TLX3: variants seen among roughly 807,000 people sequenced by gnomAD.
The protein encoded by TLX3 is T cell leukemia homeobox 3.
A neutral mutation model predicts 19.6 loss-of-function variants in TLX3; 11 were observed. That is an observed-to-expected ratio of 0.56 (90% CI 0.35 to 0.93). The LOEUF is 0.93. TLX3 is among the 40% of genes least tolerant of loss of function. The probability of loss-of-function intolerance (pLI) is 0.01; values close to 1 mark genes in which losing one functional copy is unlikely to be tolerated. For missense variants in TLX3, 375 were observed against 418.6 expected, an observed-to-expected ratio of 0.90 and a Z score of 0.91; for synonymous variants, 221 against 188.1, an observed-to-expected ratio of 1.17 and a Z score of -1.43.
chr5:171,311,638 C>CTGG lies in TLX3; in HGVS notation c.*39_*40insTGG. 3 of 1,529,540 alleles carry CTGG rather than the reference C, an allele frequency of 2.0e-6. No individual in the cohort carries two copies. Among genetic ancestry groups the CTGG allele is most frequent in the Non-Finnish European group, 2.7e-6 (3 of 1,123,588 alleles). 94.7% of individuals were successfully genotyped at this position (1,529,540 alleles called of 1,614,324 possible). A position where few individuals can be genotyped will look rare whatever the true frequency, so the allele number is the denominator to read the frequency against. ...CACCGTCGCCACGGATCGCCGCCCC[C>CTGG]ACCCAGCCGGGCGCCCCGGACCCCC... On this transcript the variant is annotated 3_prime_UTR_variant, in exon 3 of 3. Transcript: ENST00000296921. This position sits in a 1 kb window ranked among gnomAD's most constrained non-coding sequence, Gnocchi z 5.1.
Position 171,311,716 on chromosome 5 carries a change from G to C in TLX3, c.*117G>C. ...GAGAGGGGAAGGGGCCGCCTAGCCC[G>C]AGTAGGCCCCAGGGCGCGGCCACAG... On this transcript the variant is annotated 3_prime_UTR_variant, in exon 3 of 3. Transcript: ENST00000296921. This position sits in a 1 kb window ranked among gnomAD's most constrained non-coding sequence, Gnocchi z 5.1. 1.3e-6 allele frequency: 1 copy of C among 750,552 alleles called. No individual in the cohort carries two copies. The allele number at this position is 750,552 out of a possible 1,614,324, so 46.5% of individuals were successfully genotyped here. A position where few individuals can be genotyped will look rare whatever the true frequency, so the allele number is the denominator to read the frequency against.
chr5:171,310,379 G>C lies in TLX3; in HGVS notation c.651G>C (p.Arg217=). ...DAQVKTWFQN[R]RTKWRRQTAE... is the part of the protein sequence containing the mutation. ...AGGTCAAGACCTGGTTCCAAAACCGGAGGACCAAGTGGCGGTGAGAGAGGC... is the reference window on the plus strand; with the variant it reads ...AGGTCAAGACCTGGTTCCAAAACCGCAGGACCAAGTGGCGGTGAGAGAGGC... The change falls in exon 2 of 3, where the codon CGG becomes CGC. Residue 217 remains arginine, a synonymous_variant. Coordinates refer to ENST00000296921, the MANE Select transcript of TLX3 (RefSeq NM_021025.4). The C allele has an allele frequency of 9.9e-6, 16 of 1,613,784 alleles. No homozygotes were observed. The highest frequency in any genetic ancestry group is 1.4e-5 in the Non-Finnish European group (16 of 1,179,920).
chr5:171,309,784 C>T lies in TLX3; in HGVS notation c.419C>T (p.Thr140Ile), dbSNP rs1396276614. The T allele has an allele frequency of 1.3e-6, 2 of 1,594,714 alleles. No homozygotes were observed. The change falls in exon 1 of 3, where the codon ACA becomes ATA. Residue 140 changes from threonine to isoleucine, a missense_variant and splice_region_variant. Transcript: ENST00000296921. ...CGCCGCTTCGTGAAAGACCGCTTCA[C>T]AGGTGAGCAGAGCTGGCGACCAGGC... ...SSRRFVKDRF[T>I]AAAALTPFTV...
Position 171,310,211 on chromosome 5 carries a change from G to A in TLX3, c.483G>A (p.Arg161=). The stretch of plus-strand genomic sequence containing the variant: ...GCATCGGCCACCCCTACCAGAACCG[G>A]ACGCCGCCCAAGCGTAAGAAGCCGC... The part of the protein sequence containing the change: ...TRRIGHPYQN[R]TPPKRKKPRT... The change falls in exon 2 of 3, where the codon CGG becomes CGA. Residue 161 remains arginine, a synonymous_variant. Transcript: ENST00000296921. The A allele has an allele frequency of 6.4e-7, 1 of 1,554,654 alleles. No homozygotes were observed.
Position 171,310,033 on chromosome 5 carries a change from C to T in TLX3, c.422-117C>T, listed in dbSNP as rs1041147558. ...CCGGCTTGGTGTCTCTGGAAACGCG[C>T]GCGACCAGCGAAATAGCGGAGCTCT... On this transcript the variant is annotated intron_variant, in intron 1 of 2. Coordinates refer to ENST00000296921, the MANE Select transcript of TLX3 (RefSeq NM_021025.4). 5 of 1,429,210 alleles carry T rather than the reference C, an allele frequency of 3.5e-6. No individual in the cohort carries two copies. The African/African-American group carries it at 7.2e-5, about 20-fold the overall frequency. 88.5% of individuals were successfully genotyped at this position (1,429,210 alleles called of 1,614,324 possible).
chr5:171,309,361 C>G lies in TLX3; in HGVS notation c.-5C>G. On this transcript the variant is annotated 5_prime_UTR_variant, in exon 1 of 3. Transcript: ENST00000296921. ...AGCCCAGCCCAGCCCTTCCGCCCGC[C>G]CAGGATGGAGGCGCCCGCCAGCGCG... is the stretch of plus-strand genomic sequence containing the variant. The G allele has an allele frequency of 6.3e-7, 1 of 1,586,220 alleles. No homozygotes were observed. The highest frequency in any genetic ancestry group is 1.7e-5 in the Admixed American group (1 of 57,832).
Position 171,311,144 on chromosome 5 carries a change from G to T in TLX3, c.666-245G>T, listed in dbSNP as rs1461157410. Among the ~76,000 whole-genome samples, 1 of 152,204 alleles carries T rather than the reference G, an allele frequency of 6.6e-6. No individual in the cohort carries two copies. The highest frequency in any genetic ancestry group is 2.4e-5 in the African/African-American group (1 of 41,470). ...TTGTTGGTGAAGCCACAATACCCGG[G>T]CGTGCAGGTGGGCGGCGGGCAGAGT... On this transcript the variant is annotated intron_variant, in intron 2 of 2. Transcript: ENST00000296921. This position sits in a 1 kb window ranked among gnomAD's most constrained non-coding sequence, Gnocchi z 5.1.
rs1019026284 is a variant in TLX3 at position 171,309,335 on chromosome 5, C to T, written c.-31C>T. ...ACGGGGACCCAGCCGCCTCCCCGCC[C>T]AGCCCAGCCCAGCCCTTCCGCCCGC... On this transcript the variant is annotated 5_prime_UTR_variant, in exon 1 of 3. Coordinates refer to ENST00000296921, the MANE Select transcript of TLX3 (RefSeq NM_021025.4). 8.2e-7 allele frequency: 1 copy of T among 1,214,524 alleles called. No individual in the cohort carries two copies. The highest frequency in any genetic ancestry group is 1.1e-6 in the Non-Finnish European group (1 of 876,996). 75.2% of individuals were successfully genotyped at this position (1,214,524 alleles called of 1,614,324 possible).
In TLX3 at chr5:171,311,442, T is replaced by C; in HGVS notation, c.719T>C (p.Met240Thr). Residue 240 changes from methionine (M) to threonine (T), a missense_variant, in exon 3 of 3, where the codon ATG becomes ACG. Met to Thr is a moderately conservative substitution (Grantham distance 81, BLOSUM62 -1). Around this residue, in one of 3 missense-constraint regions of TLX3, gnomAD observed 62 missense variants for 63.1 expected, o/e 0.98. Transcript: ENST00000296921. This position sits in a 1 kb window ranked among gnomAD's most constrained non-coding sequence, Gnocchi z 5.1. ...EAERQQASRL[M>T]LQLQHDAFQK... The stretch of plus-strand genomic sequence containing the variant: ...GAGCGGCAGCAGGCGAGCCGGCTCA[T>C]GCTGCAGCTGCAACACGACGCCTTC... The C allele has an allele frequency of 1.3e-6, 2 of 1,585,074 alleles. No individual in the cohort carries two copies. Among genetic ancestry groups the C allele is most frequent in the Non-Finnish European group, 8.6e-7 (1 of 1,166,568 alleles).
chr5:171,309,776 C>A lies in TLX3; in HGVS notation c.411C>A (p.Asp137Glu). 1 of 1,604,240 alleles carries A rather than the reference C, an allele frequency of 6.2e-7. No individual in the cohort carries two copies. Among genetic ancestry groups the A allele is most frequent in the African/African-American group, 1.3e-5 (1 of 74,618 alleles). ...AGAGCAGCCGCCGCTTCGTGAAAGACCGCTTCACAGGTGAGCAGAGCTGGC... is the reference window on the plus strand; with the variant it reads ...AGAGCAGCCGCCGCTTCGTGAAAGAACGCTTCACAGGTGAGCAGAGCTGGC... ...WMESSRRFVKDRFTAAAALTP... is the reference protein window; with the variant it reads ...WMESSRRFVKERFTAAAALTP... Residue 137 changes from aspartate to glutamate, a missense_variant, in exon 1 of 3, where the codon GAC (aspartate) becomes GAA (glutamate). Around this residue, in one of 3 missense-constraint regions of TLX3, gnomAD observed 239 missense variants for 217.0 expected, o/e 1.10. Transcript: ENST00000296921.
chr5:171,311,303 C>T lies in TLX3; in HGVS notation c.666-86C>T, dbSNP rs62393000. ...GCGCCTCGAGGCTCCCGGATGGCCT[C>T]GGCTCCCGGGAGGGCCGGGGCCCCG... On this transcript the variant is annotated intron_variant, in intron 2 of 2. Coordinates refer to ENST00000296921, the MANE Select transcript of TLX3 (RefSeq NM_021025.4). The surrounding 1 kb of genome is among the most constrained non-coding windows in gnomAD (Gnocchi z 5.1). The T allele has an allele frequency of 2.4e-6, 3 of 1,274,506 alleles. No homozygotes were observed. The East Asian group carries it at 7.8e-5, about 33-fold the overall frequency. The allele number at this position is 1,274,506 out of a possible 1,614,324, so 78.9% of individuals were successfully genotyped here.
Position 171,311,861 on chromosome 5 carries a change from T to G in TLX3, c.*262T>G. 1 of 306,932 alleles carries G rather than the reference T, an allele frequency of 3.3e-6. No homozygotes were observed. 19.0% of individuals were successfully genotyped at this position (306,932 alleles called of 1,614,324 possible). ...CTGACAAGAAAGCGCCTTACGTTTC[T>G]CCGCCCCCCGCCCGCACCCCCCGGG... On this transcript the variant is annotated 3_prime_UTR_variant, in exon 3 of 3. Transcript: ENST00000296921. The surrounding 1 kb of genome is among the most constrained non-coding windows in gnomAD (Gnocchi z 5.1).
chr5:171,309,899 G>C, intron 1 of TLX3, 113 bp downstream of exon 1: 1 of 1,387,824 alleles, frequency 7.2e-7, no homozygotes, highest in South Asian at 1.5e-5. Context: ...CGCGGCGGAG[G>C]CCTCGGCCCC....
At position 171,309,761 on chromosome 5, in the gene TLX3, C is replaced by T. The variant is rs553886932; in HGVS notation, c.396C>T (p.Arg132=). 1.9e-6 allele frequency: 3 copies of T among 1,607,012 alleles called. No individual in the cohort carries two copies. In the Admixed American group the frequency reaches 5.0e-5, roughly 27 times the overall value. The part of the protein sequence containing the change: ...GLNFPWMESS[R]RFVKDRFTAA... ...ATTTCCCCTGGATGGAGAGCAGCCG[C>T]CGCTTCGTGAAAGACCGCTTCACAG... Residue 132 remains arginine, a synonymous_variant, in exon 1 of 3, where the codon CGC becomes CGT. Transcript: ENST00000296921.
intron 1 of TLX3, 31 bp downstream of exon 1, chr5:171,309,817 C>T (rs746435088): frequency 1.9e-5 from 29 of 1,538,518 alleles, no homozygotes; most frequent in Non-Finnish European, 2.2e-5. Context: ...GGCTCCAGGC[C>T]TCCGCCCTCT....
intron 2 of TLX3, among the ~76,000 whole-genome samples, chr5:171,310,964 C>A (rs1045250664): frequency 6.6e-6 from 1 of 152,054 alleles, no homozygotes; most frequent in African/African-American, 2.4e-5. Flanking sequence ...AGGCCCTGGG[C>A]GAACTGGATG....
Position 171,309,463 on chromosome 5 carries a change from C to T in TLX3, c.98C>T (p.Pro33Leu). The change falls in exon 1 of 3, where the codon CCC (proline) becomes CTC (leucine). Residue 33 changes from proline (P) to leucine (L), a missense_variant. Coordinates refer to ENST00000296921, the MANE Select transcript of TLX3 (RefSeq NM_021025.4). ...AACAGCCCGGACCAGGACAGCGCACCCGCCCCGCGGGGCCCCGACGGCGCC... is the reference window on the plus strand; with the variant it reads ...AACAGCCCGGACCAGGACAGCGCACTCGCCCCGCGGGGCCCCGACGGCGCC... ...ILNSPDQDSA[P>L]APRGPDGASY... 1.3e-6 allele frequency: 2 copies of T among 1,598,688 alleles called. No individual in the cohort carries two copies. Among genetic ancestry groups the T allele is most frequent in the South Asian group, 1.1e-5 (1 of 89,776 alleles).
At position 171,311,935 on chromosome 5, in the gene TLX3, T is replaced by TA. The variant is rs1339784167; in HGVS notation, c.*342dup. The TA allele has an allele frequency of 4.6e-6, 1 of 216,402 alleles. No homozygotes were observed. Among genetic ancestry groups the TA allele is most frequent in the East Asian group, 7.1e-5 (1 of 14,182 alleles). The allele number at this position is 216,402 out of a possible 1,614,324, so 13.4% of individuals were successfully genotyped here. ...TACTTTTGCCCAAACGTGTAAATAA[T>TA]AAAAAAGTTTTGGCTTTTTTCTTTA... On this transcript the variant is annotated 3_prime_UTR_variant, in exon 3 of 3. Transcript: ENST00000296921. This position sits in a 1 kb window ranked among gnomAD's most constrained non-coding sequence, Gnocchi z 5.1.
rs1769182244 is a variant in TLX3, at chr5:171,309,560, C to T, written c.195C>T (p.Gly65=). Residue 65 remains glycine, a synonymous_variant, in exon 1 of 3, where the codon GGC becomes GGT. Transcript: ENST00000296921. ...TYPSLPASFA[G]LGAPFEDAGS... Reference sequence around the variant, plus strand: ...CGTCTCTGCCCGCCTCCTTTGCGGGCCTCGGCGCGCCCTTCGAGGACGCGG... The same window carrying T: ...CGTCTCTGCCCGCCTCCTTTGCGGGTCTCGGCGCGCCCTTCGAGGACGCGG... 6.3e-7 allele frequency: 1 copy of T among 1,582,400 alleles called. No individual in the cohort carries two copies. The highest frequency in any genetic ancestry group is 8.6e-7 in the Non-Finnish European group (1 of 1,165,668).
Sources: gnomAD v4.1 joint callset for allele counts (sites outside exome capture counted in the v4.1 genomes callset) on GRCh38, gnomAD v4.1.1 for gene constraint, gnomAD v4.1.1 regional missense constraint, Gnocchi (gnomAD v3.1) non-coding constraint, MANE v1.5 for transcripts, NCBI Gene and HGNC (gene_info 2026-07-23, HGNC 2026-07-21) for gene names.